PCDH11X: variants seen among roughly 807,000 people sequenced by gnomAD.
PCDH11X encodes protocadherin-11 X-linked.
In PCDH11X, 18 loss-of-function variants were observed where a neutral mutation model predicts 53.3. That is an observed-to-expected ratio of 0.34 (90% CI 0.23 to 0.50). The LOEUF (loss-of-function observed/expected upper bound fraction) is 0.50. Ranked by LOEUF, PCDH11X falls within the 20% of genes least tolerant of loss-of-function variation. The pLI is 0.98. For missense variants in PCDH11X, 570 were observed against 1,032.4 expected (o/e 0.55, Z 6.14); for synonymous variants, 279 against 393.3 (o/e 0.71, Z 3.44).
intron 6 of PCDH11X, among the ~76,000 whole-genome samples, chrX:92,110,549 G>A (rs1196551562): frequency 9.0e-6 from 1 of 110,596 alleles, no homozygotes. Context: ...ACAAGGGGGG[G>A]GCAGAGGAAA....
At chrX:92,360,769 A>G (rs1410173647) in intron 8 of PCDH11X, among the ~76,000 whole-genome samples, 1 of 110,016 alleles carries the variant, frequency 9.1e-6, no homozygotes, top group African/African-American at 3.3e-5. Flanking sequence ...GCAGGTCTTC[A>G]TTAGCTCACT....
chrX:92,318,844 T>G (rs2069136900), intron 8 of PCDH11X, among the ~76,000 whole-genome samples: 1 of 111,650 alleles, frequency 9.0e-6, no homozygotes, highest in African/African-American at 3.3e-5. Context: ...GTTAGAGGAC[T>G]GGGAAGCTGT....
intron 8 of PCDH11X, among the ~76,000 whole-genome samples, chrX:92,338,405 G>T (rs909743270): frequency 1.8e-5 from 2 of 110,864 alleles, no homozygotes; most frequent in Non-Finnish European, 3.8e-5. Flanking sequence ...AGTAATTTGA[G>T]CCTGGAGACT....
At chrX:92,022,149 A>C (rs1321263759) in intron 6 of PCDH11X, among the ~76,000 whole-genome samples, 1 of 107,682 alleles carries the variant, frequency 9.3e-6, no homozygotes, top group African/African-American at 3.4e-5. Flanking sequence ...CATGCTGACA[A>C]TATCAAATTC....
chrX:91,921,715 G>A (rs939863435), intron 6 of PCDH11X, among the ~76,000 whole-genome samples: 2 of 105,006 alleles, frequency 1.9e-5, no homozygotes, highest in Admixed American at 1.0e-4. Context: ...ACCTACTGAA[G>A]GATATCTTGG....
intron 6 of PCDH11X, among the ~76,000 whole-genome samples, chrX:92,180,401 C>T (rs1236701618): frequency 2.7e-5 from 3 of 111,250 alleles, no homozygotes; most frequent in African/African-American, 9.8e-5. Context: ...TTCGTTTTTA[C>T]TCTCCTTTAC....
chrX:92,161,018 A>AT (rs1285043081), intron 6 of PCDH11X, among the ~76,000 whole-genome samples: 33 of 108,816 alleles, frequency 3.0e-4, no homozygotes, highest in African/African-American at 9.3e-4. Context: ...TTTTGCTGGG[A>AT]TTTTTTTTTA....
intron 6 of PCDH11X, among the ~76,000 whole-genome samples, chrX:92,042,952 T>G: frequency 9.0e-6 from 1 of 110,647 alleles, no homozygotes. Context: ...GATCATTTTT[T>G]AAGAACACAT....
At chrX:92,338,399 A>G (rs1251006120) in intron 8 of PCDH11X, among the ~76,000 whole-genome samples, 3 of 111,008 alleles carry the variant, frequency 2.7e-5, no homozygotes, top group African/African-American at 9.8e-5. Flanking sequence ...TAATTGAGTA[A>G]TTTGAGCCTG....
intron 8 of PCDH11X, among the ~76,000 whole-genome samples, chrX:92,323,802 G>A (rs760059518): frequency 2.0e-4 from 22 of 110,571 alleles, no homozygotes; most frequent in African/African-American, 6.6e-4. Context: ...TAACAGTGTC[G>A]AATCCATTTC....
At chrX:92,218,942 A>C (rs2066791183) in intron 7 of PCDH11X, among the ~76,000 whole-genome samples, 1 of 111,727 alleles carries the variant, frequency 9.0e-6, no homozygotes, top group African/African-American at 3.3e-5. Context: ...CCAAAGACAA[A>C]AACCACATGA....
chrX:92,027,339 G>A (rs893035369), intron 6 of PCDH11X, among the ~76,000 whole-genome samples: 2 of 111,255 alleles, frequency 1.8e-5, no homozygotes, highest in Admixed American at 9.6e-5. Flanking sequence ...ATCTAAATGC[G>A]TTTACAGTAG....
chrX:91,930,334 GA>G (rs906479159), intron 6 of PCDH11X, among the ~76,000 whole-genome samples: 4 of 108,939 alleles, frequency 3.7e-5, no homozygotes, highest in Non-Finnish European at 7.7e-5. Context: ...GTGCATGTGA[GA>G]AATATTAGTA....
At chrX:92,052,352 TACTAAGTCATTAAAGTG>T (rs1475065563) in intron 6 of PCDH11X, among the ~76,000 whole-genome samples, 1 of 94,175 alleles carries the variant, frequency 1.1e-5, no homozygotes, top group Admixed American at 1.3e-4. Context: ...GAATGGGTGA[TACTAAGTCATTAAAGTG>T]CTTTGTTTTA....
intron 7 of PCDH11X, among the ~76,000 whole-genome samples, chrX:92,247,847 A>C (rs1569440249): frequency 8.9e-6 from 1 of 111,766 alleles, no homozygotes; most frequent in Non-Finnish European, 1.9e-5. Context: ...GTGAGTGGAC[A>C]TGAGTTTTTG....
chrX:92,498,895 C>T (rs2073906454), intron 10 of PCDH11X, among the ~76,000 whole-genome samples: 1 of 86,232 alleles, frequency 1.2e-5, no homozygotes, highest in Admixed American at 1.4e-4. Flanking sequence ...ATATTGTCAT[C>T]AACAGTATAT....
chrX:92,120,406 C>T (rs1035401167), intron 6 of PCDH11X, among the ~76,000 whole-genome samples: 1 of 112,270 alleles, frequency 8.9e-6, no homozygotes, highest in African/African-American at 3.2e-5. Flanking sequence ...GATCCACCCG[C>T]CTCGGCCTCT....
intron 6 of PCDH11X, among the ~76,000 whole-genome samples, chrX:92,036,571 G>A (rs893572238): frequency 2.8e-5 from 3 of 107,512 alleles, no homozygotes; most frequent in Admixed American, 1.0e-4. Flanking sequence ...CCCCAGCCTC[G>A]TGGAATTGTA....
At chrX:91,923,419 G>C (rs1941821983) in intron 6 of PCDH11X, among the ~76,000 whole-genome samples, 1 of 101,339 alleles carries the variant, frequency 9.9e-6, no homozygotes, top group Non-Finnish European at 2.0e-5. Context: ...AGAGGGACTT[G>C]ACTTGCTGAG....
Sources: gnomAD v4.1 joint callset for allele counts (sites outside exome capture counted in the v4.1 genomes callset) on GRCh38, gnomAD v4.1.1 for gene constraint, MANE v1.5 for transcripts, NCBI Gene and HGNC (gene_info 2026-07-23, HGNC 2026-07-21) for gene names.